DPH6: variants seen among roughly 807,000 people sequenced by gnomAD.
DPH6 encodes diphthamine biosynthesis 6, also known as diphthine--ammonia ligase.
In DPH6, 33 loss-of-function variants were observed where a neutral mutation model predicts 38.2. The ratio of observed to expected loss-of-function variants is 0.86; its 90% CI spans 0.65 to 1.15. The LOEUF is 1.15. DPH6 is among the 50% of genes most tolerant of loss of function. The pLI is 0.00. For synonymous variants in DPH6, 108 were observed against 103.0 expected, an observed-to-expected ratio of 1.05 and a Z score of -0.30; for missense variants, 325 against 320.0, an observed-to-expected ratio of 1.02 and a Z score of -0.12.
At chr15:35,438,460 G>C (rs1354989973) in intron 5 of DPH6, among the ~76,000 whole-genome samples, 6 of 152,170 alleles carry the variant, frequency 3.9e-5, no homozygotes, top group Non-Finnish European at 2.9e-5. Context: ...ATTAGAGGCG[G>C]ATGAATCTTT....
intron 5 of DPH6, among the ~76,000 whole-genome samples, chr15:35,439,051 C>T: frequency 6.6e-6 from 1 of 152,164 alleles, no homozygotes; most frequent in East Asian, 1.9e-4. Context: ...TACTAATCTG[C>T]TTTTTAGCAA....
intron 5 of DPH6, among the ~76,000 whole-genome samples, chr15:35,427,888 G>C (rs922074738): frequency 1.3e-5 from 2 of 151,544 alleles, no homozygotes; most frequent in Non-Finnish European, 2.9e-5. Flanking sequence ...CCCTACAATG[G>C]GGTTACCTCT....
intron 6 of DPH6, among the ~76,000 whole-genome samples, chr15:35,396,636 A>G (rs2053137278): frequency 6.6e-6 from 1 of 152,166 alleles, no homozygotes; most frequent in African/African-American, 2.4e-5. Context: ...TCTGTGATAC[A>G]TGATTTTTAC....
chr15:35,410,409 C>A (rs2053350089), intron 6 of DPH6, among the ~76,000 whole-genome samples: 1 of 151,496 alleles, frequency 6.6e-6, no homozygotes, highest in Non-Finnish European at 1.5e-5. Context: ...CTTGGGATAA[C>A]TTTTTTTACT....
intron 3 of DPH6, among the ~76,000 whole-genome samples, chr15:35,224,104 T>TTTG (rs1192734785): frequency 3.1e-5 from 4 of 128,762 alleles, no homozygotes; most frequent in Non-Finnish European, 4.6e-5. Context: ...ATTTTAGTTT[T>TTTG]TTTTTTTTTT....
chr15:35,495,498 C>T (rs1449796306), intron 3 of DPH6, among the ~76,000 whole-genome samples: 4 of 152,050 alleles, frequency 2.6e-5, no homozygotes, highest in Admixed American at 2.6e-4. Context: ...CATACCGGCA[C>T]TAGCATCAAA....
At chr15:35,408,686 G>A (rs1170553909) in intron 6 of DPH6, among the ~76,000 whole-genome samples, 2 of 151,996 alleles carry the variant, frequency 1.3e-5, no homozygotes, top group Admixed American at 1.3e-4. Flanking sequence ...ATGAATGTAA[G>A]TAGAAACATT....
At chr15:35,374,508 T>C (rs752223084) in intron 7 of DPH6, among the ~76,000 whole-genome samples, 3 of 152,072 alleles carry the variant, frequency 2.0e-5, no homozygotes, top group Non-Finnish European at 4.4e-5. Context: ...AGAAGAAATC[T>C]CAAAATATTT....
At chr15:35,210,265 C>A in the DPH6 span, among the ~76,000 whole-genome samples, 2 of 152,108 alleles carry the variant, frequency 1.3e-5, no homozygotes, top group South Asian at 4.1e-4. Context: ...CTTAACTGGA[C>A]AAATGGTGAT....
chr15:35,472,828 A>AC (rs2054214635), intron 3 of DPH6, among the ~76,000 whole-genome samples: 1 of 151,964 alleles, frequency 6.6e-6, no homozygotes, highest in Non-Finnish European at 1.5e-5. Flanking sequence ...AACATAGGAG[A>AC]CATCATCCCT....
At chr15:35,267,131 T>C (rs190490329) in intron 3 of DPH6, among the ~76,000 whole-genome samples, 141 of 152,184 alleles carry the variant, frequency 9.3e-4, no homozygotes, top group African/African-American at 3.2e-3. Flanking sequence ...ATGGACAGTA[T>C]AAAGTGCAGT....
At chr15:35,307,030 T>A (rs1458741194) in intron 3 of DPH6, among the ~76,000 whole-genome samples, 1 of 152,168 alleles carries the variant, frequency 6.6e-6, no homozygotes, top group Non-Finnish European at 1.5e-5. Context: ...GCTTTTATAG[T>A]ATGACTGTGC....
At chr15:35,306,543 T>C (rs1476734503) in intron 3 of DPH6, among the ~76,000 whole-genome samples, 1 of 152,228 alleles carries the variant, frequency 6.6e-6, no homozygotes. Context: ...GACAGACCTC[T>C]ATCAACCTCA....
At chr15:35,439,417 G>A (rs2053758149) in intron 5 of DPH6, among the ~76,000 whole-genome samples, 1 of 152,190 alleles carries the variant, frequency 6.6e-6, no homozygotes, top group African/African-American at 2.4e-5. Context: ...TTTGGACACT[G>A]TCAGCATTCT....
Position 35,538,423 on chromosome 15 carries a change from G to T in DPH6, c.163C>A (p.His55Asn). Residue 55 changes from histidine to asparagine, a missense_variant, in exon 3 of 9, where the codon CAC (histidine) becomes AAC (asparagine). Physicochemically the swap from His to Asn is moderately conservative, Grantham distance 68 (BLOSUM62 1). Coordinates refer to ENST00000256538, the MANE Select transcript of DPH6 (RefSeq NM_080650.4). ...TCTGCATACAAGTCAATGGCATGGT[G>T]CCCCACTGTCTGATACATGTAGCTA... ...LDSYMYQTVG[H>N]HAIDLYAEAM... The T allele has an allele frequency of 6.2e-7, 1 of 1,600,078 alleles. No homozygotes were observed. Among genetic ancestry groups the T allele is most frequent in the Non-Finnish European group, 8.5e-7 (1 of 1,169,862 alleles).
the DPH6 span, among the ~76,000 whole-genome samples, chr15:35,153,529 T>C: frequency 1.3e-5 from 2 of 152,142 alleles, no homozygotes; most frequent in African/African-American, 4.8e-5. Context: ...GGCCTCTACA[T>C]TGTTTGTATA....
intron 3 of DPH6, among the ~76,000 whole-genome samples, chr15:35,311,605 A>G (rs2052142464): frequency 1.3e-5 from 2 of 152,218 alleles, no homozygotes; most frequent in Non-Finnish European, 2.9e-5. Context: ...ACACACAGAG[A>G]GCGAGAGAGA....
At chr15:35,520,847 A>C in intron 3 of DPH6, 1 of 985,092 alleles carries the variant, frequency 1.0e-6, no homozygotes, top group Non-Finnish European at 1.2e-6. Flanking sequence ...TACCATAATA[A>C]AACTAAGGCC....
chr15:35,227,174 CTTTTTTTTTTT>C lies in DPH6; in HGVS notation n.201-6603_201-6593del, dbSNP rs71415001. Among the ~76,000 whole-genome samples the C allele has an allele frequency of 7.8e-3, 599 of 77,072 alleles. 8 individuals are homozygous for C. The highest frequency in any genetic ancestry group is 0.028 in the African/African-American group (572 of 20,116). The allele number at this position is 77,072 out of a possible 152,430, so 50.6% of individuals were successfully genotyped here. A position where few individuals can be genotyped will look rare whatever the true frequency, so the allele number is the denominator to read the frequency against. ...TCTGCAATATCAGTTATAACATCTT[CTTTTTTTTTTT>C]TTTTTTTTTTTTTTTTGAGATGGAG... On this transcript the variant is annotated intron_variant and non_coding_transcript_variant, in intron 3 of 3. Transcript: ENST00000560386.
Sources: allele counts gnomAD v4.1 joint callset (sites outside exome capture counted in the v4.1 genomes callset), GRCh38; gene constraint gnomAD v4.1.1; transcripts MANE v1.5; gene names NCBI Gene and HGNC (gene_info 2026-07-23, HGNC 2026-07-21).